PCDHA5: variants seen among roughly 807,000 people sequenced by gnomAD.
The protein encoded by PCDHA5 is protocadherin alpha 5, also known as protocadherin alpha-5.
A neutral mutation model predicts 61.6 loss-of-function variants in PCDHA5; 43 were observed. The observed-to-expected ratio is 0.70, with a 90% confidence interval of 0.55 to 0.90. PCDHA5 has a LOEUF of 0.90. Among genes scored for constraint, PCDHA5 ranks in the 40% least tolerant of loss-of-function variants. PCDHA5 has a pLI of 0.00. For synonymous variants in PCDHA5, 627 were observed against 543.9 expected (o/e 1.15, Z -2.13); for missense variants, 1,298 against 1,222.7 (o/e 1.06, Z -0.92).
At chr5:140,941,023 T>C (rs2153648150) in intron 1 of PCDHA5, among the ~76,000 whole-genome samples, 1 of 152,338 alleles carries the variant, frequency 6.6e-6, no homozygotes, top group African/African-American at 2.4e-5. Flanking sequence ...ATTTTCCTTC[T>C]GGCCTTTTTG....
chr5:140,859,888 A>T (rs2046074014), intron 1 of PCDHA5: 1 of 152,104 alleles, frequency 6.6e-6, no homozygotes. Context: ...TATTTTGAAA[A>T]AAAATCTTCC....
intron 1 of PCDHA5, chr5:140,868,045 A>G (rs1452350688): frequency 3.3e-5 from 5 of 152,130 alleles, no homozygotes; most frequent in African/African-American, 1.2e-4. Flanking sequence ...GGAAATACCA[A>G]TATGGCACAA....
intron 1 of PCDHA5, chr5:140,884,716 GTTGT>G (rs782735758): frequency 2.8e-5 from 41 of 1,468,898 alleles, no homozygotes; most frequent in Middle Eastern, 3.6e-4. Flanking sequence ...CTTCCTTGCA[GTTGT>G]TTGTTTAAGA....
chr5:140,839,126 A>G (rs1399665834), intron 1 of PCDHA5, among the ~76,000 whole-genome samples: 8 of 151,272 alleles, frequency 5.3e-5, no homozygotes, highest in East Asian at 3.9e-4. Context: ...ATAATATGTC[A>G]TTCACATAAG....
At chr5:140,870,371 T>C (rs1419353241) in intron 1 of PCDHA5, 52 of 1,613,894 alleles carry the variant, frequency 3.2e-5, no homozygotes, top group Non-Finnish European at 4.2e-5. Flanking sequence ...TATGAACTGG[T>C]GGTGACTGCG....
intron 1 of PCDHA5, among the ~76,000 whole-genome samples, chr5:140,913,421 A>T (rs2076328410): frequency 6.6e-6 from 1 of 152,144 alleles, no homozygotes; most frequent in Non-Finnish European, 1.5e-5. Flanking sequence ...CTGCAGTATC[A>T]GTTGTAATGC....
chr5:140,826,240 A>G (rs1198121014), intron 1 of PCDHA5, among the ~76,000 whole-genome samples: 5 of 152,228 alleles, frequency 3.3e-5, no homozygotes, highest in Admixed American at 2.6e-4. Context: ...AACTATTTAT[A>G]TATCTCTTTA....
chr5:140,829,503 G>A (rs2150169106), intron 1 of PCDHA5: 5 of 1,613,554 alleles, frequency 3.1e-6, no homozygotes, highest in Middle Eastern at 1.8e-4. Flanking sequence ...AACCCGCCGG[G>A]CTGCCACATC....
Position 141,010,990 on chromosome 5 carries a change from A to G in PCDHA5, c.*1053A>G, listed in dbSNP as rs1399914066. The stretch of plus-strand genomic sequence containing the variant: ...GTGCTTTAAGAGAATTGCCTGAAAC[A>G]TCTGTATTATATCGGCCACCTGCCA... On this transcript the variant is annotated 3_prime_UTR_variant, in exon 4 of 4. Transcript: ENST00000529859. The G allele has an allele frequency of 6.5e-6, 1 of 153,770 alleles. No individual in the cohort carries two copies. Among genetic ancestry groups the G allele is most frequent in the Non-Finnish European group, 1.5e-5 (1 of 68,054 alleles). 9.5% of individuals were successfully genotyped at this position (153,770 alleles called of 1,614,324 possible). A position where few individuals can be genotyped will look rare whatever the true frequency, so the allele number is the denominator to read the frequency against.
Position 140,824,013 on chromosome 5 carries a change from C to G in PCDHA5, c.2238C>G (p.Ser746Arg), listed in dbSNP as rs1347563887. ...PTLLCSSAVG[S>R]WSYSQQRRQR... is the part of the protein sequence containing the mutation. ...TGTTGTGCTCCAGCGCGGTGGGGAG[C>G]TGGTCGTACTCGCAGCAGAGGAGAC... is the stretch of plus-strand genomic sequence containing the variant. Residue 746 changes from serine (S) to arginine (R), a missense_variant, in exon 1 of 4, where the codon AGC becomes AGG. By Grantham distance (110) the Ser-to-Arg change is moderately radical (BLOSUM62 -1). Transcript: ENST00000529859. 1.9e-6 allele frequency: 3 copies of G among 1,614,156 alleles called. No individual in the cohort carries two copies. The highest frequency in any genetic ancestry group is 2.5e-6 in the Non-Finnish European group (3 of 1,180,010).
In PCDHA5 at chr5:140,949,770, T is replaced by C. The variant is rs955982016; in HGVS notation, c.2353-29179T>C. On this transcript the variant is annotated intron_variant, in intron 1 of 3. Coordinates refer to ENST00000529859, the MANE Select transcript of PCDHA5 (RefSeq NM_018908.3). ...TTAGCCCATTCACATTAGTGTAATA[T>C]TTGATATGTTTAGATTTGTGTCCTT... Among the ~76,000 whole-genome samples, 3 of 152,026 alleles carry C rather than the reference T, an allele frequency of 2.0e-5. 1 individual carries two copies. The highest frequency in any genetic ancestry group is 6.8e-3 in the Middle Eastern group (2 of 294).
intron 1 of PCDHA5, among the ~76,000 whole-genome samples, chr5:140,846,989 C>G (rs1449097023): frequency 6.7e-6 from 1 of 149,310 alleles, no homozygotes; most frequent in Non-Finnish European, 1.5e-5. Context: ...AAGTTCCCCC[C>G]GGGAGAATAT....
At chr5:140,880,620 A>C (rs2058397773) in intron 1 of PCDHA5, among the ~76,000 whole-genome samples, 1 of 152,170 alleles carries the variant, frequency 6.6e-6, no homozygotes, top group Non-Finnish European at 1.5e-5. Context: ...AAGAGGGAGG[A>C]GTTAATTATC....
intron 1 of PCDHA5, chr5:140,836,956 T>C (rs1363599144): frequency 2.4e-6 from 1 of 416,414 alleles, no homozygotes; most frequent in Non-Finnish European, 4.2e-6. Flanking sequence ...CTATGGTTTA[T>C]GTTGGCTACT....
chr5:140,934,998 T>A (rs1242919330), intron 1 of PCDHA5, among the ~76,000 whole-genome samples: 1 of 152,198 alleles, frequency 6.6e-6, no homozygotes, highest in Non-Finnish European at 1.5e-5. Flanking sequence ...CCCTGAATCC[T>A]TTTCATGTGA....
At chr5:140,927,166 G>A in intron 1 of PCDHA5, 1 of 1,614,188 alleles carries the variant, frequency 6.2e-7, no homozygotes. Context: ...GGCCAAAGCT[G>A]CCTGCGTCTT....
chr5:140,840,690 A>G (rs2150308704), intron 1 of PCDHA5, among the ~76,000 whole-genome samples: 1 of 152,210 alleles, frequency 6.6e-6, no homozygotes, highest in South Asian at 2.1e-4. Context: ...AGTAAATAAA[A>G]CGGTTCAGGC....
rs782568790 is a variant in PCDHA5 at position 140,856,315 on chromosome 5, T to C, written c.2352+32188T>C. On this transcript the variant is annotated intron_variant, in intron 1 of 3. Transcript: ENST00000529859. ...GCATTTTGTTTGTGAATTCTCGGAT[T>C]GACCGCGAGGAGCTGTGCGGGCGGA... 131 of 1,598,516 alleles carry C rather than the reference T, an allele frequency of 8.2e-5. 15 individuals are homozygous for C. The highest frequency in any genetic ancestry group is 1.9e-4 in the Admixed American group (11 of 59,298).
chr5:140,960,120 C>A (rs2095527331), intron 1 of PCDHA5, among the ~76,000 whole-genome samples: 1 of 152,118 alleles, frequency 6.6e-6, no homozygotes, highest in African/African-American at 2.4e-5. Context: ...AATAGTATTC[C>A]TTATGAAATA....
Sources: allele counts gnomAD v4.1 joint callset (sites outside exome capture counted in the v4.1 genomes callset), GRCh38; gene constraint gnomAD v4.1.1; transcripts MANE v1.5; gene names NCBI Gene and HGNC (gene_info 2026-07-23, HGNC 2026-07-21).